The following EYS variants were observed in gnomAD, a reference collection of about 807,000 sequenced individuals.
EYS encodes the protein protein eyes shut homolog.
A neutral mutation model predicts 282.1 loss-of-function variants in EYS; 250 were observed. The observed-to-expected ratio is 0.89, with a 90% CI of 0.80 to 0.98. The LOEUF (loss-of-function observed/expected upper bound fraction) is 0.98, where lower values mean the gene tolerates loss of function less well. Among genes scored for constraint, EYS ranks in the 50% least tolerant of loss-of-function variants. EYS has a pLI of 0.00. For missense variants in EYS, 4,016 were observed against 3,709.0 expected (o/e 1.08, Z -2.15); for synonymous variants, 1,355 against 1,282.9 (o/e 1.06, Z -1.20).
rs1773961336 is a variant in EYS at position 64,784,600 on chromosome 6, G to T, written c.3443+28778C>A. Among the ~76,000 whole-genome samples, 3 of 152,050 alleles carry T rather than the reference G, an allele frequency of 2.0e-5. No homozygotes were observed. The South Asian group carries it at 6.2e-4, about 32-fold the overall frequency. On this transcript the variant is annotated intron_variant, in intron 22 of 42. Transcript: ENST00000503581. ...ACATCATAAACCTCAATAATTACTTGTTGAGTAAATTATTTCATTCTAGAG... is the reference window on the plus strand; with the variant it reads ...ACATCATAAACCTCAATAATTACTTTTTGAGTAAATTATTTCATTCTAGAG...
intron 12 of EYS, among the ~76,000 whole-genome samples, chr6:65,200,083 A>G (rs1765863654): frequency 6.6e-6 from 1 of 152,190 alleles, no homozygotes; most frequent in Non-Finnish European, 1.5e-5. Context: ...GAGATTTAAA[A>G]AGACAGGAAA....
At chr6:65,464,253 G>A (rs1196366264) in intron 5 of EYS, among the ~76,000 whole-genome samples, 2 of 152,058 alleles carry the variant, frequency 1.3e-5, no homozygotes, top group South Asian at 2.1e-4. Flanking sequence ...AAGCAAAGAA[G>A]ACTTTTTGGA....
intron 12 of EYS, among the ~76,000 whole-genome samples, chr6:65,112,706 T>G (rs1775247387): frequency 6.6e-6 from 1 of 152,092 alleles, no homozygotes; most frequent in Non-Finnish European, 1.5e-5. Flanking sequence ...TATAAAACAG[T>G]ATTTATGGTC....
rs773077556 is a variant in EYS, at chr6:65,040,990, G to T, written c.2137+16624C>A. Among the ~76,000 whole-genome samples, 17 of 151,638 alleles carry T rather than the reference G, an allele frequency of 1.1e-4. 1 individual carries two copies. The highest frequency in any genetic ancestry group is 2.4e-4 in the Non-Finnish European group (16 of 67,754). ...TTAAAATCTAGAATAGCATTATTTA[G>T]ATTAAGTCTGGATGTAGATTGCAGA... On this transcript the variant is annotated intron_variant, in intron 13 of 42. Transcript: ENST00000503581.
intron 7 of EYS, among the ~76,000 whole-genome samples, chr6:65,393,788 A>C (rs574220506): frequency 1.3e-5 from 2 of 152,096 alleles, no homozygotes; most frequent in East Asian, 3.8e-4. Flanking sequence ...TAATACATCA[A>C]ATTGAAATTT....
intron 12 of EYS, among the ~76,000 whole-genome samples, chr6:65,126,707 G>A (rs1482327311): frequency 6.6e-6 from 1 of 152,150 alleles, no homozygotes; most frequent in East Asian, 1.9e-4. Flanking sequence ...GTGTTCTGGA[G>A]CCTCAAAATA....
chr6:64,238,381 G>C (rs530613175), intron 30 of EYS, among the ~76,000 whole-genome samples: 2 of 152,202 alleles, frequency 1.3e-5, no homozygotes, highest in African/African-American at 4.8e-5. Context: ...AGAGTACAGA[G>C]GGTTATTATT....
intron 33 of EYS, among the ~76,000 whole-genome samples, chr6:64,065,777 C>T (rs189730243): frequency 1.3e-5 from 2 of 152,220 alleles, no homozygotes. Flanking sequence ...AATTGATTTA[C>T]TCTGTGTGCA....
chr6:64,263,420 C>A (rs1767653998), intron 30 of EYS, among the ~76,000 whole-genome samples: 1 of 151,962 alleles, frequency 6.6e-6, no homozygotes. Context: ...TCTTCTTATT[C>A]TTTTAAGCCA....
At chr6:64,450,698 G>C (rs974965616) in intron 26 of EYS, among the ~76,000 whole-genome samples, 2 of 152,148 alleles carry the variant, frequency 1.3e-5, no homozygotes, top group African/African-American at 4.8e-5. Flanking sequence ...TCAGGATTAA[G>C]AAACTCACTC....
intron 8 of EYS, among the ~76,000 whole-genome samples, chr6:65,355,395 T>TA (rs1391579510): frequency 2.3e-4 from 22 of 93,742 alleles, no homozygotes; most frequent in African/African-American, 9.1e-4. Context: ...AATATCCTCT[T>TA]CTGGACACTG....
chr6:65,335,289 G>C, intron 10 of EYS, 143 bp from the exon 11 acceptor site: 1 of 699,416 alleles, frequency 1.4e-6, no homozygotes. Context: ...GTAACTATTG[G>C]ACAAGGGTTC....
intron 22 of EYS, among the ~76,000 whole-genome samples, chr6:64,701,130 C>T (rs946148921): frequency 6.6e-6 from 1 of 152,018 alleles, no homozygotes; most frequent in African/African-American, 2.4e-5. Flanking sequence ...AAAGGATACC[C>T]TATTCAATAA....
chr6:64,195,403 A>T (rs1765255003), intron 31 of EYS, among the ~76,000 whole-genome samples: 1 of 152,160 alleles, frequency 6.6e-6, no homozygotes, highest in African/African-American at 2.4e-5. Context: ...CCCAAGTTCA[A>T]GTGATTCTCC....
intron 35 of EYS, among the ~76,000 whole-genome samples, chr6:63,878,935 G>A (rs956530131): frequency 3.3e-5 from 5 of 152,060 alleles, no homozygotes; most frequent in African/African-American, 7.2e-5. Flanking sequence ...TGGGTGAGAC[G>A]ATGCCCTGCC....
At chr6:64,914,018 A>T (rs1768085686) in intron 15 of EYS, among the ~76,000 whole-genome samples, 1 of 152,158 alleles carries the variant, frequency 6.6e-6, no homozygotes, top group African/African-American at 2.4e-5. Context: ...GCTAGTCATC[A>T]TCCATGAAAC....
intron 14 of EYS, among the ~76,000 whole-genome samples, chr6:64,975,197 G>C (rs1770435422): frequency 1.3e-5 from 2 of 151,670 alleles, no homozygotes; most frequent in Non-Finnish European, 2.9e-5. Context: ...ATATTGATTA[G>C]AAACTGCACC....
At chr6:65,532,915 GT>G (rs1400711716) in intron 2 of EYS, among the ~76,000 whole-genome samples, 1 of 151,966 alleles carries the variant, frequency 6.6e-6, no homozygotes, top group Admixed American at 6.6e-5. Context: ...TTTTAATGAA[GT>G]TTGTTTTAGG....
chr6:65,512,195 T>A (rs1766905851), intron 2 of EYS, among the ~76,000 whole-genome samples: 1 of 151,910 alleles, frequency 6.6e-6, no homozygotes. Flanking sequence ...CCTCTTAGTA[T>A]AAAAATTACA....
Sources: gnomAD v4.1 joint callset for allele counts (sites outside exome capture counted in the v4.1 genomes callset) on GRCh38, gnomAD v4.1.1 for gene constraint, MANE v1.5 for transcripts, NCBI Gene and HGNC (gene_info 2026-07-23, HGNC 2026-07-21) for gene names.